MGAT5: variants seen among roughly 807,000 people sequenced by gnomAD.
MGAT5 encodes the protein alpha-1,6-mannosylglycoprotein 6-beta-N-acetylglucosaminyltransferase.
A neutral mutation model predicts 94.3 loss-of-function variants in MGAT5; 30 were observed. The ratio of observed to expected loss-of-function variants is 0.32; its 90% CI spans 0.24 to 0.43. MGAT5 has a LOEUF of 0.43. Ranked by LOEUF, MGAT5 falls within the 20% of genes least tolerant of loss-of-function variation. MGAT5 has a pLI of 1.00. For synonymous variants in MGAT5, 310 were observed against 322.9 expected (o/e 0.96, Z 0.43); for missense variants, 691 against 905.5 (o/e 0.76, Z 3.04).
chr2:134,416,796 G>T (rs1327637908), intron 12 of MGAT5, among the ~76,000 whole-genome samples: 3 of 145,010 alleles, frequency 2.1e-5, no homozygotes, highest in African/African-American at 7.7e-5. Context: ...CAGAAACAAA[G>T]GTCTTACTAT....
At chr2:134,188,443 T>C (rs538928125) in intron 1 of MGAT5, among the ~76,000 whole-genome samples, 1 of 152,382 alleles carries the variant, frequency 6.6e-6, no homozygotes, top group South Asian at 2.1e-4. Flanking sequence ...GTGGGAATGA[T>C]ACAGTACCTA....
chr2:134,159,219 G>GTGTGTGTA (rs1459259572), intron 1 of MGAT5, among the ~76,000 whole-genome samples: 9 of 151,036 alleles, frequency 6.0e-5, no homozygotes, highest in Admixed American at 1.3e-4. Flanking sequence ...GTGTGTGTGT[G>GTGTGTGTA]TGTGTGGTCC....
chr2:134,182,329 G>A (rs1688772707), intron 1 of MGAT5, among the ~76,000 whole-genome samples: 1 of 152,170 alleles, frequency 6.6e-6, no homozygotes, highest in Non-Finnish European at 1.5e-5. Flanking sequence ...AGAGAAATGA[G>A]TGAGAGAATG....
chr2:134,332,168 C>T (rs1199293825), intron 4 of MGAT5, among the ~76,000 whole-genome samples: 18 of 151,992 alleles, frequency 1.2e-4, no homozygotes, highest in South Asian at 4.2e-4. Context: ...GGAGGCATCA[C>T]GCTACCTGAC....
At chr2:134,193,173 A>G (rs1679315198) in intron 1 of MGAT5, among the ~76,000 whole-genome samples, 1 of 150,248 alleles carries the variant, frequency 6.7e-6, no homozygotes, top group South Asian at 2.1e-4. Flanking sequence ...CCCAGGCTAG[A>G]GTACAGTGAT....
intron 4 of MGAT5, among the ~76,000 whole-genome samples, chr2:134,327,975 A>G (rs1395874971): frequency 6.6e-6 from 1 of 152,156 alleles, no homozygotes; most frequent in African/African-American, 2.4e-5. Context: ...AGTTGGGACC[A>G]GTTTTGCCAG....
chr2:134,381,387 T>TAAGATA (rs1330332725), intron 10 of MGAT5, among the ~76,000 whole-genome samples: 35 of 46,880 alleles, frequency 7.5e-4, no homozygotes, highest in East Asian at 5.2e-3. Flanking sequence ...ATAGATTAGA[T>TAAGATA]AGATAGATAG....
At chr2:134,291,006 T>C (rs1038076843) in intron 2 of MGAT5, among the ~76,000 whole-genome samples, 8 of 152,312 alleles carry the variant, frequency 5.3e-5, no homozygotes, top group African/African-American at 1.9e-4. Flanking sequence ...AGAGCTTATA[T>C]TCTAGCAAAG....
rs71275904 is a variant in MGAT5, at chr2:134,416,474, C to CTTTTTTTTTTTTTTTTTTTTTTT, written c.1677+3470_1677+3471insTTTTTTTTTTTTTTTTTTTTTTT. On this transcript the variant is annotated intron_variant, in intron 12 of 15. Transcript: ENST00000281923. ...GCCTGTTTCAGAATCTCATTCCTTACTTTTTTTTTTTGGAGACCGGGTCTT... is the reference window on the plus strand; with the variant it reads ...GCCTGTTTCAGAATCTCATTCCTTACTTTTTTTTTTTTTTTTTTTTTTTTTTTTTTTTTTGGAGACCGGGTCTT... 7.9e-5 allele frequency among the ~76,000 whole-genome samples: 11 copies of CTTTTTTTTTTTTTTTTTTTTTTT among 139,172 alleles called. 1 individual carries two copies. The highest frequency in any genetic ancestry group is 2.7e-4 in the African/African-American group (10 of 36,376). The allele number at this position is 139,172 out of a possible 152,430, so 91.3% of individuals were successfully genotyped here.
intron 1 of MGAT5, among the ~76,000 whole-genome samples, chr2:134,197,192 A>G (rs4953905): frequency 0.24 from 36,755 of 151,986 alleles, 6,066 homozygotes; most frequent in African/African-American, 0.46. Flanking sequence ...GTATGCCCCA[A>G]TATACTTCAG....
chr2:134,257,841 T>C (rs1244723049), intron 1 of MGAT5, among the ~76,000 whole-genome samples: 6 of 148,848 alleles, frequency 4.0e-5, no homozygotes, highest in South Asian at 2.2e-4. Flanking sequence ...AGTCTCTTTT[T>C]TTTTTTTTTT....
intron 10 of MGAT5, among the ~76,000 whole-genome samples, chr2:134,368,998 T>C (rs1450057143): frequency 1.3e-5 from 2 of 152,138 alleles, no homozygotes; most frequent in African/African-American, 4.8e-5. Flanking sequence ...TCCCTTTATA[T>C]CATTTGATTC....
intron 11 of MGAT5, among the ~76,000 whole-genome samples, chr2:134,411,463 A>G (rs1683654774): frequency 6.6e-6 from 1 of 152,208 alleles, no homozygotes; most frequent in Non-Finnish European, 1.5e-5. Flanking sequence ...AGTTTTCAGG[A>G]AACGAAAATT....
chr2:134,321,555 C>T (rs763992787), intron 4 of MGAT5, among the ~76,000 whole-genome samples: 3 of 152,122 alleles, frequency 2.0e-5, no homozygotes, highest in Non-Finnish European at 2.9e-5. Context: ...GAGAGGAATA[C>T]GGGATGAAGA....
In MGAT5 at chr2:134,450,602, GGGGGCACCC is replaced by G. The variant is rs1686046325; in HGVS notation, c.*1761_*1769del. 1 of 152,192 alleles carries G rather than the reference GGGGGCACCC, an allele frequency of 6.6e-6. No individual in the cohort carries two copies. The highest frequency in any genetic ancestry group is 2.1e-4 in the South Asian group (1 of 4,828). 9.4% of individuals were successfully genotyped at this position (152,192 alleles called of 1,614,324 possible). A position where few individuals can be genotyped will look rare whatever the true frequency, so the allele number is the denominator to read the frequency against. On this transcript the variant is annotated 3_prime_UTR_variant, in exon 16 of 16. Coordinates refer to ENST00000281923, the MANE Select transcript of MGAT5 (RefSeq NM_002410.5). The stretch of plus-strand genomic sequence containing the variant: ...GTATCTCCAGTCTAAGAGGAGGGTG[GGGGGCACCC>G]GGGGCCTCCTCCACTCCTTAGGTGG...
intron 10 of MGAT5, among the ~76,000 whole-genome samples, chr2:134,372,834 A>G (rs569289921): frequency 6.6e-6 from 1 of 152,366 alleles, no homozygotes; most frequent in South Asian, 2.1e-4. Flanking sequence ...AGCTGTGAGA[A>G]GAAAACATAC....
At chr2:134,292,404 G>A (rs138186077) in intron 2 of MGAT5, among the ~76,000 whole-genome samples, 1 of 152,212 alleles carries the variant, frequency 6.6e-6, no homozygotes, top group Non-Finnish European at 1.5e-5. Flanking sequence ...GGTTTGATTC[G>A]GGTCCCTCAG....
chr2:134,293,452 A>C, intron 2 of MGAT5, among the ~76,000 whole-genome samples: 1 of 150,056 alleles, frequency 6.7e-6, no homozygotes. Flanking sequence ...TTCCTCCCCC[A>C]CTTCTTTGCT....
At chr2:134,220,082 C>T (rs1281719239) in intron 1 of MGAT5, among the ~76,000 whole-genome samples, 5 of 152,326 alleles carry the variant, frequency 3.3e-5, no homozygotes, top group East Asian at 1.9e-4. Flanking sequence ...GCATGACATA[C>T]GTACCCCTGT....
Sources: gnomAD v4.1 joint callset for allele counts (sites outside exome capture counted in the v4.1 genomes callset) on GRCh38, gnomAD v4.1.1 for gene constraint, MANE v1.5 for transcripts, NCBI Gene and HGNC (gene_info 2026-07-23, HGNC 2026-07-21) for gene names.